The following UBR3 variants were observed in gnomAD, a reference collection of about 807,000 sequenced individuals.
The protein encoded by UBR3 is ubiquitin protein ligase E3 component n-recognin 3.
A neutral mutation model predicts 243.2 loss-of-function variants in UBR3; 85 were observed. That is an observed-to-expected ratio of 0.35 (90% CI 0.29 to 0.42). UBR3 has a LOEUF of 0.42. Among genes scored for constraint, UBR3 ranks in the 10% least tolerant of loss-of-function variants. The probability of loss-of-function intolerance (pLI) is 1.00; values close to 1 mark genes in which losing one functional copy is unlikely to be tolerated. For synonymous variants in UBR3, 748 were observed against 799.8 expected, an observed-to-expected ratio of 0.94 and a Z score of 1.09; for missense variants, 1,686 against 2,300.8, an observed-to-expected ratio of 0.73 and a Z score of 5.47.
chr2:169,986,588 C>G, intron 24 of UBR3, 57 bp from the exon 25 acceptor site: 1 of 1,520,222 alleles, frequency 6.6e-7, no homozygotes, highest in Middle Eastern at 1.8e-4. Context: ...CTCACACTTT[C>G]ATTGAAGAGA....
chr2:169,942,264 A>AT (rs1445363711), intron 19 of UBR3, among the ~76,000 whole-genome samples: 2 of 152,056 alleles, frequency 1.3e-5, no homozygotes, highest in African/African-American at 4.8e-5. Flanking sequence ...AAGTTTATAT[A>AT]TTTTTTAATT....
At chr2:170,053,669 G>C (rs935000920) in intron 32 of UBR3, among the ~76,000 whole-genome samples, 1 of 152,220 alleles carries the variant, frequency 6.6e-6, no homozygotes, top group Non-Finnish European at 1.5e-5. Context: ...AGAAAGGATG[G>C]AAGTCTAGTC....
intron 32 of UBR3, among the ~76,000 whole-genome samples, chr2:170,043,234 C>T (rs115116325): frequency 1.6e-4 from 24 of 152,102 alleles, no homozygotes; most frequent in Non-Finnish European, 2.9e-4. Flanking sequence ...CTATATTAAT[C>T]AATATTTAAT....
intron 35 of UBR3, among the ~76,000 whole-genome samples, chr2:170,065,892 T>C (rs140318655): frequency 1.8e-3 from 271 of 152,090 alleles, no homozygotes; most frequent in African/African-American, 6.2e-3. Flanking sequence ...GCACATCCAG[T>C]ACTATTTTGA....
chr2:169,882,112 A>T (rs1574113430), intron 5 of UBR3, among the ~76,000 whole-genome samples: 1 of 127,590 alleles, frequency 7.8e-6, no homozygotes, highest in Non-Finnish European at 1.5e-5. Flanking sequence ...TATTTATATT[A>T]TATATGTATA....
At chr2:170,028,209 A>G (rs1362981623) in intron 30 of UBR3, among the ~76,000 whole-genome samples, 1 of 151,860 alleles carries the variant, frequency 6.6e-6, no homozygotes, top group Non-Finnish European at 1.5e-5. Flanking sequence ...ATTTTACTCA[A>G]ATTACAGCTC....
chr2:169,924,194 A>G, intron 13 of UBR3, 21 bp downstream of exon 13: 11 of 1,513,456 alleles, frequency 7.3e-6, no homozygotes, highest in Non-Finnish European at 9.8e-6. Context: ...AGGCATTTAA[A>G]AAGTTTTGAA....
intron 1 of UBR3, among the ~76,000 whole-genome samples, chr2:169,866,149 TC>T (rs2083251015): frequency 7.2e-5 from 1 of 13,932 alleles, no homozygotes; most frequent in Admixed American, 1.4e-3. Context: ...AGACTGTGTC[TC>T]AAAAAAAAAA....
intron 19 of UBR3, among the ~76,000 whole-genome samples, chr2:169,936,063 AT>A (rs1487011509): frequency 6.6e-6 from 1 of 151,786 alleles, no homozygotes; most frequent in African/African-American, 2.4e-5. Flanking sequence ...TTTTTTATTT[AT>A]TTTTATTTTT....
chr2:170,077,575 G>A (rs1016532268), intron 36 of UBR3: 6 of 542,318 alleles, frequency 1.1e-5, no homozygotes, highest in Non-Finnish European at 1.6e-5. Flanking sequence ...CTATGCCTGC[G>A]TCTTTCTCTT....
chr2:169,896,392 G>T, intron 7 of UBR3, 115 bp from the exon 8 acceptor site: 1 of 603,432 alleles, frequency 1.7e-6, no homozygotes, highest in Non-Finnish European at 2.6e-6. Flanking sequence ...AAGTTATCTT[G>T]GGCATTATTA....
rs906009563 is a variant in UBR3 at position 169,914,137 on chromosome 2, C to T, written c.1857C>T (p.Phe619=). Residue 619 remains phenylalanine, a synonymous_variant, in exon 11 of 39, where the codon TTC becomes TTT. Coordinates refer to ENST00000272793, the MANE Select transcript of UBR3 (RefSeq NM_172070.4). ...AAGACTGGTTTGATGCTATTAACTTCGTAGACGAGGTATGTATATTTTTGA... is the reference window on the plus strand; with the variant it reads ...AAGACTGGTTTGATGCTATTAACTTTGTAGACGAGGTATGTATATTTTTGA... ...ALQDWFDAIN[F]VDEPAPNQVT... 1.9e-5 allele frequency: 28 copies of T among 1,498,738 alleles called. No homozygotes were observed. The highest frequency in any genetic ancestry group is 4.3e-5 in the African/African-American group (3 of 70,588). The allele number at this position is 1,498,738 out of a possible 1,614,324, so 92.8% of individuals were successfully genotyped here.
intron 6 of UBR3, among the ~76,000 whole-genome samples, chr2:169,891,611 G>GACACACACACACACACAC (rs202022960): frequency 1.3e-4 from 11 of 82,238 alleles, no homozygotes; most frequent in African/African-American, 5.0e-4. Context: ...GAGAGAGACA[G>GACACACACACACACACAC]AGACACACAC....
intron 1 of UBR3, among the ~76,000 whole-genome samples, chr2:169,853,715 GCT>G (rs1290995678): frequency 6.6e-6 from 1 of 151,948 alleles, no homozygotes. Context: ...CTCCCAAAGT[GCT>G]GGGATTATAG....
chr2:170,080,134 A>G, intron 37 of UBR3, 111 bp downstream of exon 37: 1 of 989,072 alleles, frequency 1.0e-6, no homozygotes, highest in South Asian at 1.7e-5. Context: ...TATATAATAC[A>G]TATAGGGATT....
At chr2:169,839,817 A>C (rs1163000483) in intron 1 of UBR3, among the ~76,000 whole-genome samples, 1 of 152,250 alleles carries the variant, frequency 6.6e-6, no homozygotes, top group African/African-American at 2.4e-5. Flanking sequence ...AGGCTTGAGA[A>C]TAATTGTCTT....
At position 170,006,915 on chromosome 2, in the gene UBR3, A is replaced by G. The variant is rs976782693; in HGVS notation, c.4030-75A>G. The G allele has an allele frequency of 3.2e-6, 4 of 1,232,234 alleles. No individual in the cohort carries two copies. In the African/African-American group the frequency reaches 4.6e-5, roughly 14 times the overall value. 76.3% of individuals were successfully genotyped at this position (1,232,234 alleles called of 1,614,324 possible). ...TTTTTCTATGGTTTATTAATTTACTATAAAATGGGTGGTATAATTTTTGTT... is the reference window on the plus strand; with the variant it reads ...TTTTTCTATGGTTTATTAATTTACTGTAAAATGGGTGGTATAATTTTTGTT... On this transcript the variant is annotated intron_variant, in intron 27 of 38. Transcript: ENST00000272793.
intron 19 of UBR3, 125 bp from the exon 20 acceptor site, chr2:169,942,368 G>A (rs2086627702): frequency 6.5e-6 from 6 of 928,522 alleles, no homozygotes; most frequent in South Asian, 1.9e-5. Flanking sequence ...GGCATTTTAA[G>A]CAATTTGATT....
chr2:169,979,576 G>A (rs1054283495), intron 24 of UBR3, among the ~76,000 whole-genome samples: 1 of 152,292 alleles, frequency 6.6e-6, no homozygotes, highest in Admixed American at 6.5e-5. Context: ...CAATAAAAAG[G>A]AATGAACTAT....
Sources: gnomAD v4.1 joint callset for allele counts (sites outside exome capture counted in the v4.1 genomes callset) on GRCh38, gnomAD v4.1.1 for gene constraint, MANE v1.5 for transcripts, NCBI Gene and HGNC (gene_info 2026-07-23, HGNC 2026-07-21) for gene names.